Variants in PID1 observed in about 807,000 individuals in gnomAD.
PID1 encodes the protein PTB-containing, cubilin and LRP1-interacting protein.
PID1 carries 10 observed loss-of-function variants against 19.1 expected under a neutral mutation model. The ratio of observed to expected loss-of-function variants is 0.52; its 90% CI spans 0.32 to 0.89. PID1 has a LOEUF of 0.89. PID1 is among the 40% of genes least tolerant of loss of function. The pLI, the probability that PID1 is intolerant of heterozygous loss-of-function variation, is 0.03. For synonymous variants in PID1, 130 were observed against 116.0 expected (o/e 1.12, Z -0.78); for missense variants, 248 against 285.3 (o/e 0.87, Z 0.94).
chr2:229,025,563 G>A lies in PID1; in HGVS notation c.*69C>T. 2.5e-6 allele frequency: 3 copies of A among 1,185,788 alleles called. No individual in the cohort carries two copies. The highest frequency in any genetic ancestry group is 3.7e-6 in the Non-Finnish European group (3 of 821,816). The allele number at this position is 1,185,788 out of a possible 1,614,324, so 73.5% of individuals were successfully genotyped here. A position where few individuals can be genotyped will look rare whatever the true frequency, so the allele number is the denominator to read the frequency against. ...AGTCTTTTCATCCCAAATTTGAAACGTTGCTTACTCATCTATTCCCTTGAA... is the reference window on the plus strand; with the variant it reads ...AGTCTTTTCATCCCAAATTTGAAACATTGCTTACTCATCTATTCCCTTGAA... On this transcript the variant is annotated 3_prime_UTR_variant, in exon 3 of 3. Transcript: ENST00000392055.
chr2:229,077,690 G>A (rs6744810), intron 2 of PID1, among the ~76,000 whole-genome samples: 26,275 of 152,058 alleles, frequency 0.17, 3,221 homozygotes, highest in African/African-American at 0.35. Context: ...AGATCAGATG[G>A]TTGTGGATGT....
rs114799162 is a variant in PID1, at chr2:229,209,699, T to C, written c.31-53735A>G. 6.8e-3 allele frequency among the ~76,000 whole-genome samples: 1,032 copies of C among 152,328 alleles called. 12 individuals are homozygous for C. Among genetic ancestry groups the C allele is most frequent in the African/African-American group, 0.024 (1,001 of 41,564 alleles). On this transcript the variant is annotated intron_variant, in intron 1 of 2. Transcript: ENST00000392055. Reference sequence around the variant, plus strand: ...CCTGGAATCCTCTGGCTTTGAAAAATAGTGATCCTTCATCATCCTTGAGAT... The same window carrying C: ...CCTGGAATCCTCTGGCTTTGAAAAACAGTGATCCTTCATCATCCTTGAGAT...
intron 2 of PID1, among the ~76,000 whole-genome samples, chr2:229,121,526 G>C (rs1026841930): frequency 2.0e-5 from 3 of 152,264 alleles, no homozygotes; most frequent in African/African-American, 7.2e-5. Flanking sequence ...AATCAGAAAA[G>C]GGAGTTGGAT....
chr2:229,163,814 T>C (rs1053406617), intron 1 of PID1, among the ~76,000 whole-genome samples: 2 of 152,226 alleles, frequency 1.3e-5, no homozygotes, highest in Non-Finnish European at 2.9e-5. Flanking sequence ...CATTTTGCTA[T>C]ATGTAAACAG....
chr2:229,102,783 C>T (rs1349322440), intron 2 of PID1, among the ~76,000 whole-genome samples: 1 of 152,196 alleles, frequency 6.6e-6, no homozygotes, highest in Non-Finnish European at 1.5e-5. Flanking sequence ...TGGGCAGAGC[C>T]AGTCACAGAG....
chr2:229,100,967 C>A (rs1480813691), intron 2 of PID1, among the ~76,000 whole-genome samples: 1 of 152,214 alleles, frequency 6.6e-6, no homozygotes, highest in East Asian at 1.9e-4. Flanking sequence ...GCAAATAAAA[C>A]TACTGTGTTC....
intron 1 of PID1, among the ~76,000 whole-genome samples, chr2:229,237,737 AC>A (rs1559298458): frequency 6.6e-6 from 1 of 152,142 alleles, no homozygotes; most frequent in African/African-American, 2.4e-5. Context: ...CATGTCCTTT[AC>A]CCGCCCCATA....
chr2:229,113,202 G>A (rs1412930782), intron 2 of PID1, among the ~76,000 whole-genome samples: 7 of 151,870 alleles, frequency 4.6e-5, no homozygotes, highest in African/African-American at 1.2e-4. Context: ...AAGTTACCGC[G>A]AACTCCTCAT....
chr2:229,131,838 T>TGC (rs1208546308), intron 2 of PID1, among the ~76,000 whole-genome samples: 2 of 151,918 alleles, frequency 1.3e-5, no homozygotes, highest in Admixed American at 6.6e-5. Flanking sequence ...TGGAAAGATG[T>TGC]GCTAAATATT....
intron 1 of PID1, among the ~76,000 whole-genome samples, chr2:229,199,720 T>TTATATATATATATATATATA (rs55942947): frequency 1.5e-5 from 2 of 132,170 alleles, no homozygotes; most frequent in African/African-American, 2.8e-5. Context: ...AATATCTAAT[T>TTATATATATATATATATATA]TATATATATA....
intron 2 of PID1, among the ~76,000 whole-genome samples, chr2:229,041,243 T>C (rs1693764825): frequency 1.3e-5 from 2 of 152,144 alleles, no homozygotes; most frequent in South Asian, 2.1e-4. Flanking sequence ...TCCTGGAACA[T>C]CACGCTTTAC....
intron 2 of PID1, among the ~76,000 whole-genome samples, chr2:229,145,243 T>C (rs1308355442): frequency 6.7e-6 from 1 of 149,714 alleles, no homozygotes; most frequent in African/African-American, 2.4e-5. Context: ...ATCATATTTG[T>C]ATAAACCAGA....
intron 2 of PID1, among the ~76,000 whole-genome samples, chr2:229,087,297 A>C (rs1694787945): frequency 6.6e-6 from 1 of 152,194 alleles, no homozygotes; most frequent in African/African-American, 2.4e-5. Context: ...TTTAAGAGTC[A>C]CTGCTAAGGA....
intron 2 of PID1, among the ~76,000 whole-genome samples, chr2:229,053,471 A>G (rs1409376): frequency 0.53 from 80,991 of 152,032 alleles, 22,677 homozygotes; most frequent in African/African-American, 0.7. Context: ...CTGTCTTCAT[A>G]AAGGAAGAGA....
At chr2:229,270,861 C>A (rs1478751703) in intron 1 of PID1, among the ~76,000 whole-genome samples, 153 bp downstream of exon 1, 3 of 152,148 alleles carry the variant, frequency 2.0e-5, no homozygotes, top group Admixed American at 6.5e-5. Context: ...GGGTTCCTGG[C>A]GCTGGGTAAA....
At chr2:229,230,211 A>C (rs978557740) in intron 1 of PID1, among the ~76,000 whole-genome samples, 1 of 152,220 alleles carries the variant, frequency 6.6e-6, no homozygotes, top group Admixed American at 6.5e-5. Context: ...AGCTGTATAC[A>C]TGGGTAAATA....
At chr2:229,265,029 C>T (rs879835400) in intron 1 of PID1, among the ~76,000 whole-genome samples, 4 of 152,212 alleles carry the variant, frequency 2.6e-5, no homozygotes, top group Non-Finnish European at 4.4e-5. Context: ...GCACATCTCT[C>T]TATTTTACAG....
intron 1 of PID1, among the ~76,000 whole-genome samples, chr2:229,216,104 A>G (rs1691841081): frequency 6.6e-6 from 1 of 152,170 alleles, no homozygotes; most frequent in African/African-American, 2.4e-5. Context: ...CGGCTTTAAG[A>G]AGAAGGGCTC....
chr2:229,229,151 C>T (rs138964644), intron 1 of PID1, among the ~76,000 whole-genome samples: 119 of 152,202 alleles, frequency 7.8e-4, no homozygotes, highest in African/African-American at 2.8e-3. Flanking sequence ...AGCTGAGTAA[C>T]AATTTGTGAG....
Sources: gnomAD v4.1 joint callset for allele counts (sites outside exome capture counted in the v4.1 genomes callset) on GRCh38, gnomAD v4.1.1 for gene constraint, MANE v1.5 for transcripts, NCBI Gene and HGNC (gene_info 2026-07-23, HGNC 2026-07-21) for gene names.